XXYLT1: variants seen among roughly 807,000 people sequenced by gnomAD.
XXYLT1 encodes the protein xyloside xylosyltransferase 1.
XXYLT1 carries 20 observed loss-of-function variants against 28.9 expected under a neutral mutation model. That is an observed-to-expected ratio of 0.69 (90% CI 0.49 to 1.00). The LOEUF is 1.00. Among genes scored for constraint, XXYLT1 ranks in the 50% least tolerant of loss-of-function variants. The pLI is 0.00. For missense variants in XXYLT1, 542 were observed against 560.1 expected (o/e 0.97, Z 0.33); for synonymous variants, 257 against 253.8 (o/e 1.01, Z -0.12).
At chr3:195,100,757 G>A (rs927486685) in intron 3 of XXYLT1, among the ~76,000 whole-genome samples, 4 of 152,086 alleles carry the variant, frequency 2.6e-5, no homozygotes, top group African/African-American at 9.7e-5. Flanking sequence ...CTCCCTCCTC[G>A]CCCCCAAGCC....
intron 3 of XXYLT1, among the ~76,000 whole-genome samples, chr3:195,096,802 G>T (rs1458171635): frequency 2.0e-5 from 3 of 152,120 alleles, no homozygotes; most frequent in Non-Finnish European, 4.4e-5. Flanking sequence ...TTCTTCCATG[G>T]GTTTAAAAAA....
In XXYLT1 at chr3:195,210,894, C is replaced by A. The variant is rs1286490577; in HGVS notation, c.652+15815G>T. 6.6e-6 allele frequency among the ~76,000 whole-genome samples: 1 copy of A among 152,178 alleles called. No individual in the cohort carries two copies. Among genetic ancestry groups the A allele is most frequent in the Non-Finnish European group, 1.5e-5 (1 of 68,028 alleles). ...TCCACACCAAGAACCCCTGCTCCTC[C>A]CCCCAGCTGAACGCTGACAGTCAAG... On this transcript the variant is annotated intron_variant, in intron 2 of 3. Coordinates refer to ENST00000310380, the MANE Select transcript of XXYLT1 (RefSeq NM_152531.5). The surrounding 1 kb of genome is among the most constrained non-coding windows in gnomAD (Gnocchi z 4.8).
At chr3:195,143,896 TTTATTTTTA>T (rs1389816581) in intron 3 of XXYLT1, among the ~76,000 whole-genome samples, 6 of 131,896 alleles carry the variant, frequency 4.5e-5, no homozygotes, top group African/African-American at 1.8e-4. Flanking sequence ...ATATTTATTT[TTTATTTTTA>T]TTTTTTTTTT....
At position 195,110,281 on chromosome 3, in the gene XXYLT1, G is replaced by T. The variant is rs1246232533; in HGVS notation, c.786-40170C>A. The stretch of plus-strand genomic sequence containing the variant: ...TGTGTGTGGGTGTGTGGTGTGTGTG[G>T]GGTGTATGTGTGCGTGTGTGGTATA... On this transcript the variant is annotated intron_variant, in intron 3 of 3. Transcript: ENST00000310380. 1.2e-4 allele frequency among the ~76,000 whole-genome samples: 10 copies of T among 81,022 alleles called. 1 individual carries two copies. Among genetic ancestry groups the T allele is most frequent in the Non-Finnish European group, 1.7e-4 (7 of 42,246 alleles). The allele number at this position is 81,022 out of a possible 152,430, so 53.2% of individuals were successfully genotyped here.
intron 1 of XXYLT1, chr3:195,259,782 G>A: frequency 3.5e-6 from 2 of 569,436 alleles, no homozygotes; most frequent in Non-Finnish European, 4.4e-6. Context: ...AGGATACCGA[G>A]GGGCCACCCC....
At chr3:195,201,313 G>C (rs924895579) in intron 2 of XXYLT1, among the ~76,000 whole-genome samples, 4 of 152,204 alleles carry the variant, frequency 2.6e-5, no homozygotes, top group Non-Finnish European at 5.9e-5. Flanking sequence ...TCCCAGCAAA[G>C]AGGTGCTCTA....
At chr3:195,224,210 C>T (rs955378494) in intron 2 of XXYLT1, among the ~76,000 whole-genome samples, 1 of 152,198 alleles carries the variant, frequency 6.6e-6, no homozygotes, top group African/African-American at 2.4e-5. Context: ...TGAAGAACCC[C>T]TGAAAAGACT....
At chr3:195,181,301 G>A (rs187970825) in intron 2 of XXYLT1, among the ~76,000 whole-genome samples, 1 of 152,114 alleles carries the variant, frequency 6.6e-6, no homozygotes, top group East Asian at 1.9e-4. Flanking sequence ...GGGGCTGCGG[G>A]GCTGCGGAGC....
intron 3 of XXYLT1, among the ~76,000 whole-genome samples, chr3:195,125,490 T>C (rs73206646): frequency 0.15 from 22,466 of 152,118 alleles, 2,068 homozygotes; most frequent in East Asian, 0.26. Context: ...GGCCAGGATA[T>C]GAGCTCACAA....
chr3:195,164,402 A>G (rs567016697), intron 2 of XXYLT1, among the ~76,000 whole-genome samples: 2 of 152,300 alleles, frequency 1.3e-5, no homozygotes, highest in African/African-American at 4.8e-5. Flanking sequence ...CAGTTGGTCT[A>G]TCAACAAGAT....
intron 3 of XXYLT1, among the ~76,000 whole-genome samples, chr3:195,130,018 A>G (rs1367299766): frequency 6.6e-6 from 1 of 152,198 alleles, no homozygotes; most frequent in African/African-American, 2.4e-5. Context: ...ACCAGTGGAT[A>G]TGAACTGGTG....
chr3:195,183,318 G>A (rs1476857213), intron 2 of XXYLT1, among the ~76,000 whole-genome samples: 1 of 152,194 alleles, frequency 6.6e-6, no homozygotes, highest in Admixed American at 6.5e-5. Context: ...CATGAGATCT[G>A]ATGGTTTGAT....
At chr3:195,109,743 T>G (rs61040851) in intron 3 of XXYLT1, among the ~76,000 whole-genome samples, 206 of 19,676 alleles carry the variant, frequency 0.01, 1 homozygote, top group African/African-American at 0.012. Context: ...GTGTATGTGT[T>G]CAGGTATGTA....
At position 195,076,381 on chromosome 3, in the gene XXYLT1, G is replaced by A. The variant is rs58473654; in HGVS notation, c.786-6270C>T. Among the ~76,000 whole-genome samples, 33,300 of 150,602 alleles carry A rather than the reference G, an allele frequency of 0.22. 4,296 individuals carry two copies. Among genetic ancestry groups the A allele is most frequent in the East Asian group, 0.62 (3,140 of 5,052 alleles). On this transcript the variant is annotated intron_variant, in intron 3 of 3. Coordinates refer to ENST00000310380, the MANE Select transcript of XXYLT1 (RefSeq NM_152531.5). This position sits in a 1 kb window ranked among gnomAD's most constrained non-coding sequence, Gnocchi z 5.3. Reference sequence around the variant, plus strand: ...TTGGAACTCGACCGCGCGTGTTCCCGGAGTCTGAGTCGTTTTGAATTATGT... The same window carrying A: ...TTGGAACTCGACCGCGCGTGTTCCCAGAGTCTGAGTCGTTTTGAATTATGT...
intron 3 of XXYLT1, chr3:195,122,236 C>T (rs1305050107): frequency 1.4e-6 from 1 of 699,168 alleles, no homozygotes; most frequent in African/African-American, 1.7e-5. Context: ...CTGATACCAT[C>T]ACACTGGGGG....
intron 3 of XXYLT1, among the ~76,000 whole-genome samples, chr3:195,142,705 C>CGGGGCT (rs1307877444): frequency 2.0e-5 from 3 of 152,366 alleles, no homozygotes; most frequent in African/African-American, 4.8e-5. Context: ...AGCAGGCAGC[C>CGGGGCT]GGGGCTGGGG....
chr3:195,125,286 A>T (rs760599200), intron 3 of XXYLT1, among the ~76,000 whole-genome samples: 5 of 152,072 alleles, frequency 3.3e-5, no homozygotes, highest in African/African-American at 9.7e-5. Context: ...TTTGGCCTCT[A>T]CTCCTCGACC....
At chr3:195,118,144 C>G (rs148741891) in intron 3 of XXYLT1, among the ~76,000 whole-genome samples, 2 of 152,210 alleles carry the variant, frequency 1.3e-5, no homozygotes. Flanking sequence ...GTCCTGCCAC[C>G]GGTGCTGAGC....
At chr3:195,237,570 G>T (rs1436328496) in intron 1 of XXYLT1, among the ~76,000 whole-genome samples, 1 of 148,634 alleles carries the variant, frequency 6.7e-6, no homozygotes, top group Non-Finnish European at 1.5e-5. Flanking sequence ...GTAGATCGTT[G>T]TCAAATTTGG....
Sources: allele counts gnomAD v4.1 joint callset (sites outside exome capture counted in the v4.1 genomes callset), GRCh38; gene constraint gnomAD v4.1.1; non-coding constraint Gnocchi (gnomAD v3.1); transcripts MANE v1.5; gene names NCBI Gene and HGNC (gene_info 2026-07-23, HGNC 2026-07-21).